ST7: variants seen among roughly 807,000 people sequenced by gnomAD.
The protein encoded by ST7 is suppression of tumorigenicity 7.
Under a neutral mutation model 78.7 loss-of-function variants are expected in ST7, and 28 were observed. That is an observed-to-expected ratio of 0.36 (90% confidence interval 0.26 to 0.49). The LOEUF (loss-of-function observed/expected upper bound fraction) is 0.49. ST7 is among the 20% of genes least tolerant of loss of function. ST7 has a pLI of 0.99. For missense variants in ST7, 418 were observed against 696.0 expected, an observed-to-expected ratio of 0.60 and a Z score of 4.49; for synonymous variants, 247 against 249.6, an observed-to-expected ratio of 0.99 and a Z score of 0.10.
rs138022196 is a variant in ST7, at chr7:116,954,787, T to G, written c.151+1096T>G. On this transcript the variant is annotated intron_variant, in intron 1 of 15. Transcript: ENST00000323984. Reference sequence around the variant, plus strand: ...ACACATATATATCTTCCCTTGTTAATCTCCATACTCTGGGAGTGCAAGTCT... The same window carrying G: ...ACACATATATATCTTCCCTTGTTAAGCTCCATACTCTGGGAGTGCAAGTCT... 4.2e-4 allele frequency: 114 copies of G among 268,344 alleles called. 1 individual carries two copies. The highest frequency in any genetic ancestry group is 2.5e-3 in the African/African-American group (112 of 44,910). 16.6% of individuals were successfully genotyped at this position (268,344 alleles called of 1,614,324 possible).
chr7:117,188,742 T>C (rs1451234670), intron 10 of ST7, among the ~76,000 whole-genome samples: 1 of 148,594 alleles, frequency 6.7e-6, no homozygotes, highest in Non-Finnish European at 1.5e-5. Flanking sequence ...TTAAAAGTTA[T>C]ATATGTTTAT....
At chr7:116,977,692 C>T (rs1234371791) in intron 1 of ST7, among the ~76,000 whole-genome samples, 2 of 152,192 alleles carry the variant, frequency 1.3e-5, no homozygotes, top group African/African-American at 4.8e-5. Context: ...GGTGGGACTA[C>T]AGGCATGTGC....
rs866725932 is a variant in ST7 at position 117,209,700 on chromosome 7, T to C, written c.1255-87T>C. 57 of 1,471,108 alleles carry C rather than the reference T, an allele frequency of 3.9e-5. 1 individual carries two copies. The Middle Eastern group carries it at 5.2e-4, about 14-fold the overall frequency. The allele number at this position is 1,471,108 out of a possible 1,614,324, so 91.1% of individuals were successfully genotyped here. A position where few individuals can be genotyped will look rare whatever the true frequency, so the allele number is the denominator to read the frequency against. On this transcript the variant is annotated intron_variant, in intron 12 of 15. Transcript: ENST00000323984. Reference sequence around the variant, plus strand: ...TAATGAAATGCTTATAAGTGGTGGCTTTAGGGAAATCAACTGCTCTATTTT... The same window carrying C: ...TAATGAAATGCTTATAAGTGGTGGCCTTAGGGAAATCAACTGCTCTATTTT...
chr7:117,110,791 A>G (rs565310624), intron 2 of ST7, among the ~76,000 whole-genome samples: 1 of 152,332 alleles, frequency 6.6e-6, no homozygotes, highest in South Asian at 2.1e-4. Flanking sequence ...GGAAGCCCCA[A>G]CAGCAATAAA....
rs932364936 is a variant in ST7 at position 117,091,597 on chromosome 7, C to T, written c.152-8165C>T. 3.3e-5 allele frequency among the ~76,000 whole-genome samples: 5 copies of T among 152,222 alleles called. No homozygotes were observed. The South Asian group carries it at 6.2e-4, about 19-fold the overall frequency. On this transcript the variant is annotated intron_variant, in intron 1 of 15. Coordinates refer to ENST00000323984, the MANE Select transcript of ST7 (RefSeq NM_001369598.1). The stretch of plus-strand genomic sequence containing the variant: ...TATGAACAATCGGGAAAGAAACGCT[C>T]GGGGCACATAGAGTTGGTGTATCTT...
chr7:117,178,242 G>A (rs748105454), intron 10 of ST7, among the ~76,000 whole-genome samples: 4 of 152,062 alleles, frequency 2.6e-5, no homozygotes, highest in African/African-American at 4.8e-5. Context: ...GTTGAAGTAC[G>A]AACTTTTAGG....
chr7:117,223,130 C>T (rs1469274164), intron 15 of ST7: 4 of 631,974 alleles, frequency 6.3e-6, no homozygotes, highest in Non-Finnish European at 1.1e-5. Flanking sequence ...TCTCGGCCTT[C>T]ACAATCTGTC....
intron 1 of ST7, chr7:117,073,142 T>A (rs1563059303): frequency 6.6e-6 from 1 of 152,274 alleles, no homozygotes; most frequent in South Asian, 2.1e-4. Context: ...GAATGAGACC[T>A]GTAAAAAAGG....
At chr7:117,189,508 T>C (rs905870531) in intron 11 of ST7, 115 bp downstream of exon 11, 1 of 680,434 alleles carries the variant, frequency 1.5e-6, no homozygotes, top group Non-Finnish European at 2.3e-6. Context: ...CTTATAAGCA[T>C]GCATTTTCCA....
intron 1 of ST7, among the ~76,000 whole-genome samples, chr7:117,037,802 C>T (rs1305354542): frequency 1.3e-5 from 2 of 152,114 alleles, no homozygotes; most frequent in Non-Finnish European, 2.9e-5. Context: ...CATCGCTTCC[C>T]AACCTGTAAG....
At chr7:117,210,692 G>A (rs1187561877) in intron 13 of ST7, among the ~76,000 whole-genome samples, 2 of 152,142 alleles carry the variant, frequency 1.3e-5, no homozygotes, top group Non-Finnish European at 2.9e-5. Flanking sequence ...ACCAAGCCTT[G>A]AAGAAGTAGG....
At chr7:116,958,229 G>T (rs572542895) in intron 1 of ST7, among the ~76,000 whole-genome samples, 1 of 124,382 alleles carries the variant, frequency 8.0e-6, no homozygotes, top group South Asian at 2.6e-4. Flanking sequence ...CTGGGCTCAA[G>T]CAGTCCTACT....
At chr7:117,156,863 AT>A (rs1806733224) in intron 9 of ST7, among the ~76,000 whole-genome samples, 1 of 152,208 alleles carries the variant, frequency 6.6e-6, no homozygotes, top group African/African-American at 2.4e-5. Context: ...ATGGTGTGAG[AT>A]AACCGGAGAG....
chr7:117,049,073 T>C (rs1475355150), intron 1 of ST7, among the ~76,000 whole-genome samples: 1 of 152,214 alleles, frequency 6.6e-6, no homozygotes, highest in Admixed American at 6.5e-5. Flanking sequence ...GGCCTTCTTG[T>C]TGTAAAGTTA....
In ST7 at chr7:117,219,376, A is replaced by T. The variant is rs1267921516; in HGVS notation, c.1498+200A>T. On this transcript the variant is annotated intron_variant, in intron 14 of 15. Transcript: ENST00000323984. This position sits in a 1 kb window ranked among gnomAD's most constrained non-coding sequence, Gnocchi z 5.1. ...TTTTCCTCCAAGTCTCTCCAAATTTATCAAAGGGAAAGATGCCAAAGGATT... is the reference window on the plus strand; with the variant it reads ...TTTTCCTCCAAGTCTCTCCAAATTTTTCAAAGGGAAAGATGCCAAAGGATT... Among the ~76,000 whole-genome samples the T allele has an allele frequency of 6.6e-6, 1 of 152,186 alleles. No individual in the cohort carries two copies. Among genetic ancestry groups the T allele is most frequent in the Non-Finnish European group, 1.5e-5 (1 of 68,020 alleles).
At chr7:117,063,280 T>C (rs1434719867) in intron 1 of ST7, among the ~76,000 whole-genome samples, 3 of 152,222 alleles carry the variant, frequency 2.0e-5, no homozygotes, top group Non-Finnish European at 4.4e-5. Context: ...TAAAATATAG[T>C]TCCAATTCTT....
At chr7:117,023,650 T>C (rs895403816) in intron 1 of ST7, among the ~76,000 whole-genome samples, 11 of 152,242 alleles carry the variant, frequency 7.2e-5, no homozygotes, top group Admixed American at 6.5e-5. Context: ...GTCTGCTCTT[T>C]AACTGCTTTG....
intron 9 of ST7, among the ~76,000 whole-genome samples, chr7:117,151,011 T>C (rs1313253587): frequency 6.6e-6 from 1 of 152,342 alleles, no homozygotes; most frequent in East Asian, 1.9e-4. Context: ...TGCCAAAGCA[T>C]GTACACAGTC....
chr7:117,124,076 G>A (rs1055055572), intron 3 of ST7, among the ~76,000 whole-genome samples: 1 of 151,708 alleles, frequency 6.6e-6, no homozygotes, highest in Non-Finnish European at 1.5e-5. Context: ...TTATTACATG[G>A]CCAGAAGCAA....
Sources: allele counts gnomAD v4.1 joint callset (sites outside exome capture counted in the v4.1 genomes callset), GRCh38; gene constraint gnomAD v4.1.1; non-coding constraint Gnocchi (gnomAD v3.1); transcripts MANE v1.5; gene names NCBI Gene and HGNC (gene_info 2026-07-23, HGNC 2026-07-21).